ARIH1: variants seen among roughly 807,000 people sequenced by gnomAD.
ARIH1 encodes ariadne RBR E3 ubiquitin protein ligase 1.
In ARIH1, 8 loss-of-function variants were observed where a neutral mutation model predicts 85.0. The ratio of observed to expected loss-of-function variants is 0.09; its 90% CI spans 0.06 to 0.17. The LOEUF (loss-of-function observed/expected upper bound fraction) is 0.17, where lower values mean the gene tolerates loss of function less well. ARIH1 is among the 10% of genes least tolerant of loss of function. The pLI is 1.00. For synonymous variants in ARIH1, 238 were observed against 253.6 expected (o/e 0.94, Z 0.59); for missense variants, 311 against 718.1 (o/e 0.43, Z 6.48).
chr15:72,541,943 A>G (rs920674377), intron 2 of ARIH1, among the ~76,000 whole-genome samples: 2 of 152,224 alleles, frequency 1.3e-5, no homozygotes, highest in Admixed American at 1.3e-4. Flanking sequence ...AGGGAACCTT[A>G]TCTAATGGGG....
chr15:72,553,142 CTATT>C (rs1427909513), intron 3 of ARIH1, among the ~76,000 whole-genome samples: 1 of 151,944 alleles, frequency 6.6e-6, no homozygotes, highest in Non-Finnish European at 1.5e-5. Context: ...TTAGTAATGT[CTATT>C]TAACTTACTC....
chr15:72,583,180 G>A, intron 13 of ARIH1, 28 bp from the exon 14 acceptor site: 1 of 1,292,390 alleles, frequency 7.7e-7, no homozygotes. Context: ...CTGACAACAA[G>A]TTTTTTTTTT....
intron 7 of ARIH1, among the ~76,000 whole-genome samples, chr15:72,564,471 C>T (rs1175075931): frequency 6.6e-6 from 1 of 152,204 alleles, no homozygotes; most frequent in Non-Finnish European, 1.5e-5. Context: ...TCTGAATCCT[C>T]ACCAGAATTA....
chr15:72,547,453 G>T lies in ARIH1; in HGVS notation c.588+2489G>T, dbSNP rs534438723. On this transcript the variant is annotated intron_variant, in intron 3 of 13. Transcript: ENST00000379887. ...TCACCATATTGGCCAGGCTGGTCTT[G>T]AACTCCTGACCTCAGGTGATCCACC... Among the ~76,000 whole-genome samples the T allele has an allele frequency of 2.2e-3, 332 of 152,144 alleles. 1 individual carries two copies. Among genetic ancestry groups the T allele is most frequent in the Admixed American group, 3.3e-3 (50 of 15,284 alleles).
At chr15:72,521,548 CTT>C (rs967917975) in intron 2 of ARIH1, among the ~76,000 whole-genome samples, 1 of 146,562 alleles carries the variant, frequency 6.8e-6, no homozygotes. Flanking sequence ...TGTCTTCTAA[CTT>C]TTTTTTTTTT....
intron 2 of ARIH1, among the ~76,000 whole-genome samples, chr15:72,519,497 T>C (rs1236903129): frequency 6.9e-6 from 1 of 144,012 alleles, no homozygotes; most frequent in Non-Finnish European, 1.5e-5. Context: ...TTTTTTTTTT[T>C]TTTGAGACGG....
chr15:72,527,598 C>T (rs1446872059), intron 2 of ARIH1, among the ~76,000 whole-genome samples: 9 of 152,072 alleles, frequency 5.9e-5, no homozygotes, highest in Non-Finnish European at 1.5e-5. Context: ...CATTTTTCTG[C>T]TGCCTCAGCT....
At position 72,594,584 on chromosome 15, in the gene ARIH1, C is replaced by A. The variant is rs2064355448; in HGVS notation, c.*11292C>A. 6.6e-6 allele frequency: 1 copy of A among 152,100 alleles called. No homozygotes were observed. The highest frequency in any genetic ancestry group is 2.4e-5 in the African/African-American group (1 of 41,408). 9.4% of individuals were successfully genotyped at this position (152,100 alleles called of 1,614,324 possible). On this transcript the variant is annotated 3_prime_UTR_variant, in exon 14 of 14. Transcript: ENST00000379887. Reference sequence around the variant, plus strand: ...CAGGTTGGTCTTAAACTCCTGAGCTCAAGGGATTCTCATGCCTCAGCCACC... The same window carrying A: ...CAGGTTGGTCTTAAACTCCTGAGCTAAAGGGATTCTCATGCCTCAGCCACC...
intron 1 of ARIH1, among the ~76,000 whole-genome samples, chr15:72,492,768 T>G (rs1207640405): frequency 6.6e-6 from 1 of 152,176 alleles, no homozygotes; most frequent in Admixed American, 6.5e-5. Flanking sequence ...GTATGAAGCT[T>G]GATTATAATG....
At chr15:72,574,516 C>A (rs2064261482) in intron 11 of ARIH1, among the ~76,000 whole-genome samples, 1 of 152,208 alleles carries the variant, frequency 6.6e-6, no homozygotes, top group African/African-American at 2.4e-5. Context: ...GGTACCTTGA[C>A]TGCCCTGCAA....
chr15:72,534,956 A>ATTTTTTTTTTTTTTTTTTTTTTTTTT (rs1179478559), intron 2 of ARIH1, among the ~76,000 whole-genome samples: 1 of 45,114 alleles, frequency 2.2e-5, no homozygotes, highest in Non-Finnish European at 1.9e-4. Flanking sequence ...TATTGTCTGT[A>ATTTTTTTTTTTTTTTTTTTTTTTTTT]TTCTTTTTTT....
In ARIH1 at chr15:72,594,668, C is replaced by T. The variant is rs1296778104; in HGVS notation, c.*11376C>T. ...GCCTGGCTGATTTTTGTATGCTGATCTTGAATCGTGCCACCTTGCTAAATT... is the reference window on the plus strand; with the variant it reads ...GCCTGGCTGATTTTTGTATGCTGATTTTGAATCGTGCCACCTTGCTAAATT... On this transcript the variant is annotated 3_prime_UTR_variant, in exon 14 of 14. Coordinates refer to ENST00000379887, the MANE Select transcript of ARIH1 (RefSeq NM_005744.5). The T allele has an allele frequency of 1.3e-5, 2 of 152,048 alleles. No homozygotes were observed. The highest frequency in any genetic ancestry group is 6.6e-5 in the Admixed American group (1 of 15,258). The allele number at this position is 152,048 out of a possible 1,614,324, so 9.4% of individuals were successfully genotyped here.
At chr15:72,561,797 A>G (rs948243551) in intron 6 of ARIH1, among the ~76,000 whole-genome samples, 4 of 152,030 alleles carry the variant, frequency 2.6e-5, no homozygotes, top group Non-Finnish European at 5.9e-5. Context: ...ACATGGCGAA[A>G]CCCTGTCTCT....
At chr15:72,556,544 G>C (rs2064175441) in intron 5 of ARIH1, among the ~76,000 whole-genome samples, 1 of 152,198 alleles carries the variant, frequency 6.6e-6, no homozygotes, top group Non-Finnish European at 1.5e-5. Flanking sequence ...TCAGCTAACA[G>C]CTCTTCTTGT....
intron 5 of ARIH1, among the ~76,000 whole-genome samples, chr15:72,561,205 A>G (rs990012192): frequency 4.6e-5 from 7 of 152,314 alleles, no homozygotes; most frequent in African/African-American, 1.7e-4. Context: ...ACTAGTTGGT[A>G]AGTCATTAGG....
At chr15:72,556,674 T>C (rs559630735) in intron 5 of ARIH1, among the ~76,000 whole-genome samples, 2 of 152,352 alleles carry the variant, frequency 1.3e-5, no homozygotes, top group East Asian at 3.9e-4. Flanking sequence ...ATCACCCAGG[T>C]AGTGAGAACA....
chr15:72,592,962 T>G lies in ARIH1; in HGVS notation c.*9670T>G, dbSNP rs775580079. 3 of 152,304 alleles carry G rather than the reference T, an allele frequency of 2.0e-5. No individual in the cohort carries two copies. The highest frequency in any genetic ancestry group is 4.4e-5 in the Non-Finnish European group (3 of 68,008). 9.4% of individuals were successfully genotyped at this position (152,304 alleles called of 1,614,324 possible). On this transcript the variant is annotated 3_prime_UTR_variant, in exon 14 of 14. Coordinates refer to ENST00000379887, the MANE Select transcript of ARIH1 (RefSeq NM_005744.5). ...AGTAGAAAATTACTGGGTCATATGG[T>G]AAGTGCATGTTTATAAGAAACTGCC... is the stretch of plus-strand genomic sequence containing the variant.
Position 72,552,852 on chromosome 15 carries a change from G to T in ARIH1, c.589-2419G>T, listed in dbSNP as rs561971231. Among the ~76,000 whole-genome samples, 19 of 150,316 alleles carry T rather than the reference G, an allele frequency of 1.3e-4. No homozygotes were observed. The East Asian group carries it at 3.8e-3, about 30-fold the overall frequency. On this transcript the variant is annotated intron_variant, in intron 3 of 13. Coordinates refer to ENST00000379887, the MANE Select transcript of ARIH1 (RefSeq NM_005744.5). Reference sequence around the variant, plus strand: ...TGCGGTGGTGCGATCTTGGCTTACTGCAACCTCCATCTCCTAGGTTCAAGC... The same window carrying T: ...TGCGGTGGTGCGATCTTGGCTTACTTCAACCTCCATCTCCTAGGTTCAAGC...
chr15:72,494,095 T>C (rs2140397949), intron 1 of ARIH1, among the ~76,000 whole-genome samples: 1 of 152,290 alleles, frequency 6.6e-6, no homozygotes, highest in South Asian at 2.1e-4. Context: ...AATCGTGTTA[T>C]AGTTTATGAA....
Sources: gnomAD v4.1 joint callset for allele counts (sites outside exome capture counted in the v4.1 genomes callset) on GRCh38, gnomAD v4.1.1 for gene constraint, MANE v1.5 for transcripts, NCBI Gene and HGNC (gene_info 2026-07-23, HGNC 2026-07-21) for gene names.